Variants in UBR2 observed in about 807,000 individuals in gnomAD.
UBR2 encodes E3 ubiquitin-protein ligase UBR2.
Under a neutral mutation model 247.9 loss-of-function variants are expected in UBR2, and 92 were observed. The observed-to-expected ratio is 0.37, with a 90% confidence interval of 0.31 to 0.44. The LOEUF (loss-of-function observed/expected upper bound fraction) is 0.44, where lower values mean the gene tolerates loss of function less well. Among genes scored for constraint, UBR2 ranks in the 20% least tolerant of loss-of-function variants. The pLI is 1.00. For missense variants in UBR2, 1,613 were observed against 2,112.6 expected, an observed-to-expected ratio of 0.76 and a Z score of 4.64; for synonymous variants, 672 against 693.5, an observed-to-expected ratio of 0.97 and a Z score of 0.49.
chr6:42,595,843 G>C (rs562782994), intron 4 of UBR2, among the ~76,000 whole-genome samples: 3 of 151,982 alleles, frequency 2.0e-5, no homozygotes, highest in Non-Finnish European at 4.4e-5. Flanking sequence ...CAGTGCTATG[G>C]AAAACATGTT....
rs548329312 is a variant in UBR2, at chr6:42,585,454, G to A, written c.339-6697G>A. 2.0e-5 allele frequency among the ~76,000 whole-genome samples: 3 copies of A among 152,228 alleles called. No individual in the cohort carries two copies. The East Asian group carries it at 5.8e-4, about 29-fold the overall frequency. ...TAGGGTTATACTGGCCTTGTAAAAC[G>A]AATTGGGATATATTCCTTCTTCCTT... On this transcript the variant is annotated intron_variant, in intron 2 of 46. Transcript: ENST00000372901.
intron 31 of UBR2, among the ~76,000 whole-genome samples, chr6:42,662,625 A>G (rs1346454754): frequency 6.6e-6 from 1 of 152,222 alleles, no homozygotes; most frequent in Non-Finnish European, 1.5e-5. Flanking sequence ...TTTTGATTCC[A>G]TAGATGTTAG....
In UBR2 at chr6:42,614,205, A is replaced by AAAATAT. The variant is rs1562310782; in HGVS notation, c.986-866_986-865insAAATAT. 2.6e-3 allele frequency among the ~76,000 whole-genome samples: 69 copies of AAAATAT among 26,592 alleles called. 4 individuals carry two copies. Among genetic ancestry groups the AAAATAT allele is most frequent in the Middle Eastern group, 0.033 (1 of 30 alleles). 17.4% of individuals were successfully genotyped at this position (26,592 alleles called of 152,430 possible). A position where few individuals can be genotyped will look rare whatever the true frequency, so the allele number is the denominator to read the frequency against. ...AAAAAAAAAAAAAAAAAAAAAAAAA[A>AAAATAT]CTATATATATATACACACACACACA... is the stretch of plus-strand genomic sequence containing the variant. On this transcript the variant is annotated intron_variant, in intron 8 of 46. Coordinates refer to ENST00000372901, the MANE Select transcript of UBR2 (RefSeq NM_001363705.2).
chr6:42,612,980 A>G lies in UBR2; in HGVS notation c.985+689A>G, dbSNP rs144978819. ...GCCAGGCGTGGTGGCATGTTCCTGTAATCCCAGCTACTCAGGAGGCTGAGG... is the reference window on the plus strand; with the variant it reads ...GCCAGGCGTGGTGGCATGTTCCTGTGATCCCAGCTACTCAGGAGGCTGAGG... On this transcript the variant is annotated intron_variant, in intron 8 of 46. Transcript: ENST00000372901. Among the ~76,000 whole-genome samples, 871 of 152,272 alleles carry G rather than the reference A, an allele frequency of 5.7e-3. 1 individual carries two copies. The highest frequency in any genetic ancestry group is 0.01 in the Middle Eastern group (3 of 294).
intron 2 of UBR2, among the ~76,000 whole-genome samples, chr6:42,576,797 AG>A (rs1189973792): frequency 6.6e-6 from 1 of 152,100 alleles, no homozygotes; most frequent in African/African-American, 2.4e-5. Context: ...CTGGGATTAA[AG>A]GCCTGAGCCA....
At position 42,601,816 on chromosome 6, in the gene UBR2, A is replaced by G. The variant is rs148750606; in HGVS notation, c.532-1772A>G. 5.1e-4 allele frequency among the ~76,000 whole-genome samples: 77 copies of G among 151,992 alleles called. 2 individuals carry two copies. The East Asian group carries it at 8.3e-3, about 16-fold the overall frequency. ...GAGAAAAGGAAATTTACCTTCTTCA[A>G]GCTCTAGACCCATCTGTTTTAGGCA... On this transcript the variant is annotated intron_variant, in intron 4 of 46. Transcript: ENST00000372901.
intron 1 of UBR2, among the ~76,000 whole-genome samples, chr6:42,569,244 T>A (rs796349248): frequency 4.6e-5 from 7 of 152,338 alleles, no homozygotes; most frequent in African/African-American, 1.7e-4. Context: ...GCCAGATTTT[T>A]CCAAAGCAGT....
rs563573881 is a variant in UBR2 at position 42,660,872 on chromosome 6, C to CA, written c.3442+1018dup. On this transcript the variant is annotated intron_variant, in intron 30 of 46. Transcript: ENST00000372901. ...GTCCCAGCTACTCAAGAGGCTGAGG[C>CA]ATGAGAATTGCTTGAACCTGGGAGG... Among the ~76,000 whole-genome samples the CA allele has an allele frequency of 6.3e-3, 955 of 151,890 alleles. 11 individuals are homozygous for CA. Among genetic ancestry groups the CA allele is most frequent in the African/African-American group, 0.022 (922 of 41,424 alleles).
chr6:42,649,803 C>CTA (rs56144328), intron 22 of UBR2, among the ~76,000 whole-genome samples: 3 of 152,214 alleles, frequency 2.0e-5, no homozygotes, highest in East Asian at 1.9e-4. Flanking sequence ...TTCTTCCAGT[C>CTA]TCCCTTGTTT....
intron 11 of UBR2, chr6:42,619,445 ATAT>A (rs1794804807): frequency 3.1e-5 from 1 of 31,942 alleles, no homozygotes; most frequent in Non-Finnish European, 6.0e-5. Flanking sequence ...ATATATATAT[ATAT>A]ATATATTTTT....
chr6:42,578,534 T>C (rs1478372710), intron 2 of UBR2, among the ~76,000 whole-genome samples: 4 of 152,150 alleles, frequency 2.6e-5, no homozygotes, highest in African/African-American at 7.2e-5. Flanking sequence ...TTTTCCTCCC[T>C]GAGTCATTAG....
chr6:42,604,781 C>G (rs1228529714), intron 5 of UBR2, among the ~76,000 whole-genome samples: 1 of 152,086 alleles, frequency 6.6e-6, no homozygotes, highest in Non-Finnish European at 1.5e-5. Context: ...GATCCTAGCA[C>G]TTTGGGAGGC....
chr6:42,647,033 G>A (rs1299811008), intron 21 of UBR2, among the ~76,000 whole-genome samples: 1 of 151,588 alleles, frequency 6.6e-6, no homozygotes. Flanking sequence ...TGTTGTCCAG[G>A]CTGGTCTCGA....
intron 3 of UBR2, among the ~76,000 whole-genome samples, chr6:42,592,494 T>G (rs1792731209): frequency 6.6e-6 from 1 of 152,188 alleles, no homozygotes; most frequent in South Asian, 2.1e-4. Flanking sequence ...TTGCTATTTT[T>G]TAATGTTTAT....
rs1791319027 is a variant in UBR2 at position 42,573,795 on chromosome 6, C to T, written c.140C>T (p.Pro47Leu). 5 of 1,612,286 alleles carry T rather than the reference C, an allele frequency of 3.1e-6. No individual in the cohort carries two copies. The African/African-American group carries it at 4.0e-5, about 13-fold the overall frequency. ...EVYQHLAHYV[P>L]KIYCRGPNPF... ...TACCAGCATTTAGCCCACTATGTAC[C>T]CAAAATCTACTGCAGGGGTCCCAAC... The change falls in exon 2 of 47, where the codon CCC becomes CTC. Residue 47 changes from proline (P) to leucine (L), a missense_variant. By Grantham distance (98) the Pro-to-Leu change is moderately conservative. Coordinates refer to ENST00000372901, the MANE Select transcript of UBR2 (RefSeq NM_001363705.2).
chr6:42,599,556 G>A (rs752566865), intron 4 of UBR2, among the ~76,000 whole-genome samples: 1 of 152,122 alleles, frequency 6.6e-6, no homozygotes, highest in African/African-American at 2.4e-5. Flanking sequence ...ACCTTATACT[G>A]GTTTTAAAAA....
At chr6:42,586,371 C>T (rs1240231344) in intron 2 of UBR2, among the ~76,000 whole-genome samples, 1 of 152,024 alleles carries the variant, frequency 6.6e-6, no homozygotes, top group Non-Finnish European at 1.5e-5. Flanking sequence ...ACAAACAAAA[C>T]TTGAAACTTG....
chr6:42,679,175 G>A (rs1036387493), intron 41 of UBR2, among the ~76,000 whole-genome samples: 1 of 152,236 alleles, frequency 6.6e-6, no homozygotes, highest in Admixed American at 6.5e-5. Context: ...GGACTTGACT[G>A]TATCTCTGTA....
At chr6:42,677,583 GC>G (rs1223563834) in intron 40 of UBR2, among the ~76,000 whole-genome samples, 3 of 152,106 alleles carry the variant, frequency 2.0e-5, no homozygotes, top group African/African-American at 7.2e-5. Context: ...TTTGAGACCA[GC>G]CTGGCCAACA....
Sources: gnomAD v4.1 joint callset for allele counts (sites outside exome capture counted in the v4.1 genomes callset) on GRCh38, gnomAD v4.1.1 for gene constraint, MANE v1.5 for transcripts, NCBI Gene and HGNC (gene_info 2026-07-23, HGNC 2026-07-21) for gene names.